The following ITPRID2 variants were observed in gnomAD, a reference collection of about 807,000 sequenced individuals.
ITPRID2 encodes protein ITPRID2.
Under a neutral mutation model 124.3 loss-of-function variants are expected in ITPRID2, and 60 were observed. The ratio of observed to expected loss-of-function variants is 0.48; its 90% confidence interval spans 0.39 to 0.60. The LOEUF is 0.60. Among genes scored for constraint, ITPRID2 ranks in the 20% least tolerant of loss-of-function variants. The pLI is 0.00. For missense variants in ITPRID2, 1,553 were observed against 1,512.2 expected (o/e 1.03, Z -0.45); for synonymous variants, 521 against 542.9 (o/e 0.96, Z 0.56).
intron 8 of ITPRID2, among the ~76,000 whole-genome samples, chr2:181,903,386 A>C (rs2125074086): frequency 6.6e-6 from 1 of 152,326 alleles, no homozygotes; most frequent in East Asian, 1.9e-4. Context: ...AATTTATTAC[A>C]TTAGATGCGT....
rs1558978552 is a variant in ITPRID2, at chr2:181,896,918, G to C, written c.318G>C (p.Val106=). 1 of 1,612,708 alleles carries C rather than the reference G, an allele frequency of 6.2e-7. No individual in the cohort carries two copies. The highest frequency in any genetic ancestry group is 2.2e-5 in the East Asian group (1 of 44,806). The change falls in exon 4 of 18, where the codon GTG becomes GTC. Residue 106 remains valine (V), a synonymous_variant. Coordinates refer to ENST00000431877, the MANE Select transcript of ITPRID2 (RefSeq NM_001130445.3). This position sits in a 1 kb window ranked among gnomAD's most constrained non-coding sequence, Gnocchi z 4.3. The part of the protein sequence containing the change: ...QSSSTLKGVL[V]RNGGSFEDDL... The stretch of plus-strand genomic sequence containing the variant: ...AAATGTGTCTTTCAGGTGTGCTTGT[G>C]AGAAATGGAGGAAGTTTTGAAGATG...
chr2:181,912,493 A>G (rs1318107697), intron 9 of ITPRID2, among the ~76,000 whole-genome samples: 1 of 152,228 alleles, frequency 6.6e-6, no homozygotes, highest in African/African-American at 2.4e-5. Context: ...AAATTATTCT[A>G]AATTTTTAAT....
intron 16 of ITPRID2, among the ~76,000 whole-genome samples, chr2:181,926,186 C>T (rs958810016): frequency 1.3e-4 from 19 of 151,862 alleles, no homozygotes; most frequent in Non-Finnish European, 2.6e-4. Flanking sequence ...ATTACTTGAA[C>T]GTGGGAGGCA....
Position 181,918,792 on chromosome 2 carries a change from T to G in ITPRID2, c.2903T>G (p.Leu968Arg). ...FQELQVMRRS[L>R]NLFRTQMMDL... Reference sequence around the variant, plus strand: ...GAGCTCCAGGTAATGAGGCGGAGCCTGAATTTGTTTAGAACACAAATGATG... The same window carrying G: ...GAGCTCCAGGTAATGAGGCGGAGCCGGAATTTGTTTAGAACACAAATGATG... The change falls in exon 13 of 18, where the codon CTG becomes CGG. Residue 968 changes from leucine to arginine, a missense_variant. Physicochemically the swap from Leu to Arg is moderately radical, Grantham distance 102 (BLOSUM62 -2). Coordinates refer to ENST00000431877, the MANE Select transcript of ITPRID2 (RefSeq NM_001130445.3). The G allele has an allele frequency of 6.2e-7, 1 of 1,614,188 alleles. No homozygotes were observed. Among genetic ancestry groups the G allele is most frequent in the Non-Finnish European group, 8.5e-7 (1 of 1,180,006 alleles).
At chr2:181,913,269 G>A (rs113840537) in intron 9 of ITPRID2, among the ~76,000 whole-genome samples, 2 of 152,082 alleles carry the variant, frequency 1.3e-5, no homozygotes, top group African/African-American at 2.4e-5. Flanking sequence ...GGCTTTTACC[G>A]TGTTAGCCAG....
Position 181,915,547 on chromosome 2 carries a change from T to C in ITPRID2, c.1907T>C (p.Leu636Pro), listed in dbSNP as rs1693962583. 1 of 1,614,204 alleles carries C rather than the reference T, an allele frequency of 6.2e-7. No individual in the cohort carries two copies. Among genetic ancestry groups the C allele is most frequent in the African/African-American group, 1.3e-5 (1 of 75,050 alleles). ...TTGTTTCCAGCAGAGACAGTAGAGC[T>C]ACTGAGGGAAGCAAGTGCTGAAAGT... Reference protein sequence around the residue: ...EDLFPAETVELLREASAESDV... With the variant: ...EDLFPAETVEPLREASAESDV... Residue 636 changes from leucine (L) to proline (P), a missense_variant, in exon 11 of 18, where the codon CTA (leucine) becomes CCA (proline). Coordinates refer to ENST00000431877, the MANE Select transcript of ITPRID2 (RefSeq NM_001130445.3).
chr2:181,922,266 G>A lies in ITPRID2; in HGVS notation c.3529G>A (p.Glu1177Lys), dbSNP rs1694533569. Residue 1177 changes from glutamate (E) to lysine (K), a missense_variant, in exon 16 of 18, where the codon GAA becomes AAA. Glu to Lys is a moderately conservative substitution (Grantham distance 56, BLOSUM62 1). Transcript: ENST00000431877. ...QTPPDLESSE[E>K]VDAAEGAPEV... The stretch of plus-strand genomic sequence containing the variant: ...ACCTCCAGATTTGGAAAGTTCTGAG[G>A]AAGTTGATGCAGCTGAAGGAGCCCC... 1 of 1,614,232 alleles carries A rather than the reference G, an allele frequency of 6.2e-7. No individual in the cohort carries two copies. Among genetic ancestry groups the A allele is most frequent in the Non-Finnish European group, 8.5e-7 (1 of 1,180,050 alleles).
rs777983573 is a variant in ITPRID2, at chr2:181,916,009, A to G, written c.2369A>G (p.His790Arg). The change falls in exon 11 of 18, where the codon CAT becomes CGT. Residue 790 changes from histidine (H) to arginine (R), a missense_variant. Transcript: ENST00000431877. ...EQELEKRVMEHDGQSLVKSTI... is the reference protein window; with the variant it reads ...EQELEKRVMERDGQSLVKSTI... The stretch of plus-strand genomic sequence containing the variant: ...GAATTGGAAAAGCGGGTGATGGAAC[A>G]TGATGGTCAGTCTTTAGTTAAATCG... The G allele has an allele frequency of 1.9e-6, 3 of 1,614,230 alleles. No homozygotes were observed. Among genetic ancestry groups the G allele is most frequent in the Non-Finnish European group, 2.5e-6 (3 of 1,180,040 alleles).
In ITPRID2 at chr2:181,909,893, C is replaced by T; in HGVS notation, c.1414-6C>T. ...TTGGTTTTAACTACTTAAAACTCTT[C>T]TTAAGGTTCAAAGTACGGAGGGAGA... On this transcript the variant is annotated splice_region_variant and splice_polypyrimidine_tract_variant and intron_variant, in intron 8 of 17. Transcript: ENST00000431877. 1 of 1,611,838 alleles carries T rather than the reference C, an allele frequency of 6.2e-7. No individual in the cohort carries two copies. Among genetic ancestry groups the T allele is most frequent in the Non-Finnish European group, 8.5e-7 (1 of 1,178,326 alleles).
rs763336873 is a variant in ITPRID2 at position 181,915,473 on chromosome 2, C to T, written c.1833C>T (p.Thr611=). ...TIENTGTKQS[T]CSPGDHIIEI... ...AGAATACAGGAACTAAACAGTCCAC[C>T]TGTAGTCCAGGGGATCATATCATTG... The change falls in exon 11 of 18, where the codon ACC becomes ACT. Residue 611 remains threonine (T), a synonymous_variant. Coordinates refer to ENST00000431877, the MANE Select transcript of ITPRID2 (RefSeq NM_001130445.3). 5.6e-6 allele frequency: 9 copies of T among 1,614,166 alleles called. No individual in the cohort carries two copies. The highest frequency in any genetic ancestry group is 2.2e-5 in the East Asian group (1 of 44,874).
rs1368870106 is a variant in ITPRID2 at position 181,916,318 on chromosome 2, A to G, written c.2678A>G (p.His893Arg). 5 of 1,614,078 alleles carry G rather than the reference A, an allele frequency of 3.1e-6. No individual in the cohort carries two copies. Among genetic ancestry groups the G allele is most frequent in the African/African-American group, 2.7e-5 (2 of 74,928 alleles). The change falls in exon 11 of 18, where the codon CAT becomes CGT. Residue 893 changes from histidine (H) to arginine (R), a missense_variant. His to Arg is a conservative substitution (Grantham distance 29). Transcript: ENST00000431877. ...SPFGCPYSHR[H>R]ATYPYRVCSV... is the part of the protein sequence containing the mutation. ...TTCGGGTGTCCTTACTCACATAGAC[A>G]TGCCACCTACCCTTACCGAGTGTGC...
chr2:181,916,764 A>T, intron 11 of ITPRID2: 1 of 886,036 alleles, frequency 1.1e-6, no homozygotes, highest in Non-Finnish European at 1.4e-6. Flanking sequence ...TTATTAAAAA[A>T]TCTTCCCTCT....
intron 15 of ITPRID2, 47 bp downstream of exon 15, chr2:181,920,709 A>C (rs765506552): frequency 7.4e-7 from 1 of 1,354,580 alleles, no homozygotes; most frequent in Admixed American, 1.7e-5. Flanking sequence ...ATGATACAAC[A>C]TTTCAGACAC....
chr2:181,895,908 G>T, intron 2 of ITPRID2, 122 bp from the exon 3 acceptor site: 1 of 769,352 alleles, frequency 1.3e-6, no homozygotes, highest in South Asian at 1.7e-5. Context: ...TGTGTTTTTG[G>T]AGGAGAGTTT....
intron 17 of ITPRID2, among the ~76,000 whole-genome samples, chr2:181,928,786 C>T (rs367720405): frequency 5.9e-5 from 9 of 152,006 alleles, no homozygotes; most frequent in Non-Finnish European, 1.2e-4. Context: ...CCACTACGCC[C>T]GGCTAATTTT....
intron 9 of ITPRID2, among the ~76,000 whole-genome samples, chr2:181,911,225 A>G (rs1358581742): frequency 6.6e-6 from 1 of 152,188 alleles, no homozygotes; most frequent in Admixed American, 6.5e-5. Context: ...AAAGTATCCT[A>G]TATCCTATGT....
Position 181,915,672 on chromosome 2 carries a change from T to G in ITPRID2, c.2032T>G (p.Ser678Ala). 6.2e-7 allele frequency: 1 copy of G among 1,614,198 alleles called. No homozygotes were observed. Among genetic ancestry groups the G allele is most frequent in the Non-Finnish European group, 8.5e-7 (1 of 1,180,036 alleles). ...TGAAGCTAAATGCAGTGATATGAGC[T>G]CTGAAAATACAACTGGGCCTCCCTC... ...SIEAKCSDMS[S>A]ENTTGPPSSM... The change falls in exon 11 of 18, where the codon TCT becomes GCT. Residue 678 changes from serine (S) to alanine (A), a missense_variant. Transcript: ENST00000431877.
chr2:181,909,376 A>G (rs1471468316), intron 8 of ITPRID2, among the ~76,000 whole-genome samples: 1 of 152,162 alleles, frequency 6.6e-6, no homozygotes, highest in Non-Finnish European at 1.5e-5. Context: ...TAATTACCTC[A>G]ACTGTGTGTT....
chr2:181,906,775 A>G (rs949576525), intron 8 of ITPRID2, among the ~76,000 whole-genome samples: 1 of 152,162 alleles, frequency 6.6e-6, no homozygotes, highest in South Asian at 2.1e-4. Flanking sequence ...ACGGATATTT[A>G]TCGCAGATAA....
Sources: allele counts gnomAD v4.1 joint callset (sites outside exome capture counted in the v4.1 genomes callset), GRCh38; gene constraint gnomAD v4.1.1; non-coding constraint Gnocchi (gnomAD v3.1); transcripts MANE v1.5; gene names NCBI Gene and HGNC (gene_info 2026-07-23, HGNC 2026-07-21).